Variants in SPON1 observed in about 807,000 individuals in gnomAD.
The protein encoded by SPON1 is spondin-1.
SPON1 carries 52 observed loss-of-function variants against 111.7 expected under a neutral mutation model. The ratio of observed to expected loss-of-function variants is 0.47; its 90% CI spans 0.37 to 0.59. The LOEUF is 0.59. Among genes scored for constraint, SPON1 ranks in the 20% least tolerant of loss-of-function variants. The pLI is 0.00. For missense variants in SPON1, 957 were observed against 1,068.5 expected (o/e 0.90, Z 1.46); for synonymous variants, 410 against 395.8 (o/e 1.04, Z -0.43).
At position 14,218,991 on chromosome 11, in the gene SPON1, G is replaced by A. The variant is rs539987807; in HGVS notation, c.826-24341G>A. ...AGTAGGATAGATGGGAATGGAGCAC[G>A]GACTTAGCTGAGGAAGAATTTGGCC... On this transcript the variant is annotated intron_variant, in intron 6 of 15. Transcript: ENST00000576479. Among the ~76,000 whole-genome samples the A allele has an allele frequency of 3.9e-5, 6 of 152,280 alleles. 1 individual carries two copies. Among genetic ancestry groups the A allele is most frequent in the Admixed American group, 3.3e-4 (5 of 15,300 alleles).
At chr11:14,121,969 T>C (rs1375846779) in intron 5 of SPON1, among the ~76,000 whole-genome samples, 1 of 152,086 alleles carries the variant, frequency 6.6e-6, no homozygotes, top group Non-Finnish European at 1.5e-5. Context: ...ATCATTCTTA[T>C]CTTTGTTTCC....
At chr11:14,099,575 A>G (rs2133842803) in intron 5 of SPON1, among the ~76,000 whole-genome samples, 1 of 152,238 alleles carries the variant, frequency 6.6e-6, no homozygotes, top group South Asian at 2.1e-4. Flanking sequence ...TGTGCACTTT[A>G]TCTTCTTGAC....
intron 6 of SPON1, among the ~76,000 whole-genome samples, chr11:14,147,290 T>C (rs1847732712): frequency 6.6e-6 from 1 of 152,022 alleles, no homozygotes; most frequent in African/African-American, 2.4e-5. Context: ...TGCCTTGGCC[T>C]CCCAAAGTGC....
At chr11:14,260,540 A>G (rs782367863) in intron 13 of SPON1, 48 bp from the exon 14 acceptor site, 6 of 1,583,030 alleles carry the variant, frequency 3.8e-6, no homozygotes, top group Non-Finnish European at 4.3e-6. Context: ...GAGATCAACG[A>G]AAACAAAAGG....
At chr11:14,153,635 C>T (rs1239453889) in intron 6 of SPON1, among the ~76,000 whole-genome samples, 2 of 152,124 alleles carry the variant, frequency 1.3e-5, no homozygotes, top group Admixed American at 1.3e-4. Flanking sequence ...TCATTCTGCC[C>T]CTGGCCCCTT....
At chr11:14,017,665 T>C (rs1848452948) in intron 2 of SPON1, among the ~76,000 whole-genome samples, 1 of 152,226 alleles carries the variant, frequency 6.6e-6, no homozygotes, top group African/African-American at 2.4e-5. Context: ...AGCAGGGCCA[T>C]TTGAGCCCTA....
chr11:14,039,737 G>A (rs1327479250), intron 2 of SPON1, among the ~76,000 whole-genome samples: 1 of 152,142 alleles, frequency 6.6e-6, no homozygotes, highest in Admixed American at 6.5e-5. Context: ...AATTTGACTA[G>A]AAGAAAGTTA....
intron 6 of SPON1, among the ~76,000 whole-genome samples, chr11:14,178,615 T>C (rs1848206408): frequency 6.6e-6 from 1 of 152,138 alleles, no homozygotes; most frequent in African/African-American, 2.4e-5. Flanking sequence ...GACTAAACCA[T>C]CATACCCAAG....
chr11:14,062,473 G>A (rs896976492), intron 3 of SPON1, among the ~76,000 whole-genome samples: 1 of 152,146 alleles, frequency 6.6e-6, no homozygotes, highest in African/African-American at 2.4e-5. Context: ...CAATAGCATC[G>A]CAAACTGGGC....
At chr11:14,240,448 C>T (rs1848913007) in intron 6 of SPON1, among the ~76,000 whole-genome samples, 1 of 152,116 alleles carries the variant, frequency 6.6e-6, no homozygotes, top group African/African-American at 2.4e-5. Context: ...GCTGTCATGC[C>T]CACACATATG....
chr11:14,243,523 C>A, intron 7 of SPON1, 127 bp downstream of exon 7: 1 of 783,168 alleles, frequency 1.3e-6, no homozygotes, highest in Non-Finnish European at 2.2e-6. Context: ...AACAAGCAGG[C>A]AAGATGCTTT....
In SPON1 at chr11:14,094,638, A is replaced by G. The variant is rs7125105; in HGVS notation, c.676+14617A>G. Among the ~76,000 whole-genome samples the G allele has an allele frequency of 7.1e-3, 1,074 of 152,320 alleles. 24 individuals are homozygous for G. Among genetic ancestry groups the G allele is most frequent in the African/African-American group, 0.025 (1,035 of 41,570 alleles). On this transcript the variant is annotated intron_variant, in intron 5 of 15. Transcript: ENST00000576479. Reference sequence around the variant, plus strand: ...ATTTTGCTCCTTGTCTCCCCAGGGCATCAGTCATTGTCTGGCACACTGAAA... The same window carrying G: ...ATTTTGCTCCTTGTCTCCCCAGGGCGTCAGTCATTGTCTGGCACACTGAAA...
At chr11:14,154,344 A>G (rs139451885) in intron 6 of SPON1, among the ~76,000 whole-genome samples, 2 of 152,318 alleles carry the variant, frequency 1.3e-5, no homozygotes, top group African/African-American at 4.8e-5. Context: ...AATATATGTC[A>G]GCCTCAACTT....
intron 2 of SPON1, among the ~76,000 whole-genome samples, chr11:14,032,110 T>C (rs1554916127): frequency 1.3e-5 from 2 of 152,182 alleles, no homozygotes; most frequent in Non-Finnish European, 2.9e-5. Flanking sequence ...AAAAATTTTA[T>C]TGGGATTGTA....
chr11:14,194,964 G>A (rs187240951), intron 6 of SPON1, among the ~76,000 whole-genome samples: 6 of 152,310 alleles, frequency 3.9e-5, no homozygotes, highest in Admixed American at 6.5e-5. Context: ...GGCAGTCTAC[G>A]TGAAATGTTT....
chr11:14,168,349 AAC>A (rs1181576847), intron 6 of SPON1, among the ~76,000 whole-genome samples: 5 of 152,346 alleles, frequency 3.3e-5, no homozygotes, highest in African/African-American at 1.2e-4. Context: ...AAGTCACGTG[AAC>A]AAAAAGGCAT....
chr11:14,120,780 G>A (rs1257810685), intron 5 of SPON1, among the ~76,000 whole-genome samples: 4 of 152,114 alleles, frequency 2.6e-5, no homozygotes, highest in Non-Finnish European at 5.9e-5. Context: ...TGTGTGCCAG[G>A]AACTGTGCTA....
At chr11:13,970,817 C>T (rs4503512) in intron 1 of SPON1, among the ~76,000 whole-genome samples, 44,995 of 152,020 alleles carry the variant, frequency 0.3, 6,934 homozygotes, top group Middle Eastern at 0.41. Context: ...TCACTTTCGC[C>T]TGATTTTGTT....
At chr11:14,225,614 T>C (rs1554938068) in intron 6 of SPON1, among the ~76,000 whole-genome samples, 1 of 152,226 alleles carries the variant, frequency 6.6e-6, no homozygotes, top group African/African-American at 2.4e-5. Flanking sequence ...TGTTACAGCT[T>C]CAGGCATGGA....
Sources: allele counts gnomAD v4.1 joint callset (sites outside exome capture counted in the v4.1 genomes callset), GRCh38; gene constraint gnomAD v4.1.1; transcripts MANE v1.5; gene names NCBI Gene and HGNC (gene_info 2026-07-23, HGNC 2026-07-21).